Variants in DHX29 observed in about 807,000 individuals in gnomAD.
DHX29 encodes DExH-box helicase 29.
DHX29 carries 79 observed loss-of-function variants against 167.9 expected under a neutral mutation model. The ratio of observed to expected loss-of-function variants is 0.47; its 90% confidence interval spans 0.39 to 0.57. DHX29 has a LOEUF of 0.57. Among genes scored for constraint, DHX29 ranks in the 20% least tolerant of loss-of-function variants. The pLI is 0.00. For synonymous variants in DHX29, 530 were observed against 546.0 expected, an observed-to-expected ratio of 0.97 and a Z score of 0.41; for missense variants, 1,347 against 1,593.4, an observed-to-expected ratio of 0.85 and a Z score of 2.63.
rs1220686012 is a variant in DHX29, at chr5:55,270,464, GAAT to G, written c.3014_3016del (p.Tyr1005del). 6.2e-7 allele frequency: 1 copy of G among 1,613,042 alleles called. No homozygotes were observed. Among genetic ancestry groups the G allele is most frequent in the African/African-American group, 1.3e-5 (1 of 74,876 alleles). On this transcript the variant is annotated inframe_deletion, in exon 20 of 27. Transcript: ENST00000251636. ...AGGTACACGTAAGATTTCAGGAACA[GAAT>G]AATCCATAAAGCCTTCAAATCTGAA... is the stretch of plus-strand genomic sequence containing the variant.
Position 55,256,447 on chromosome 5 carries a change from TTCATC to T in DHX29, c.*36_*40del. 2 of 1,533,972 alleles carry T rather than the reference TTCATC, an allele frequency of 1.3e-6. No homozygotes were observed. The highest frequency in any genetic ancestry group is 1.8e-6 in the Non-Finnish European group (2 of 1,133,810). On this transcript the variant is annotated 3_prime_UTR_variant, in exon 27 of 27. Coordinates refer to ENST00000251636, the MANE Select transcript of DHX29 (RefSeq NM_019030.4). Reference sequence around the variant, plus strand: ...TTTCAGATAATTTCATGACTGTATCTTCATCTTAATTTTTAAAGCAGTTGACCATG... The same window carrying T: ...TTTCAGATAATTTCATGACTGTATCTTTAATTTTTAAAGCAGTTGACCATG...
At chr5:55,289,570 A>AT (rs1747931390) in intron 7 of DHX29, 142 bp from the exon 8 acceptor site, 3 of 610,058 alleles carry the variant, frequency 4.9e-6, no homozygotes, top group Non-Finnish European at 7.4e-6. Context: ...AAAAAACTGC[A>AT]TTCCTTCTTT....
intron 10 of DHX29, 99 bp from the exon 11 acceptor site, chr5:55,283,910 T>C: frequency 1.0e-6 from 1 of 978,120 alleles, no homozygotes. Flanking sequence ...TCTTAAAATA[T>C]AATTTGACTC....
Position 55,272,300 on chromosome 5 carries a change from C to A in DHX29, c.2776-125G>T, listed in dbSNP as rs1188923133. 4 of 651,538 alleles carry A rather than the reference C, an allele frequency of 6.1e-6. No individual in the cohort carries two copies. The African/African-American group carries it at 7.8e-5, about 13-fold the overall frequency. 40.4% of individuals were successfully genotyped at this position (651,538 alleles called of 1,614,324 possible). The stretch of plus-strand genomic sequence containing the variant: ...TTTCAATTTCAGTCACAAAAATTTA[C>A]AATCTATTTGCTATTACTGTGTAAT... On this transcript the variant is annotated intron_variant, in intron 17 of 26. Coordinates refer to ENST00000251636, the MANE Select transcript of DHX29 (RefSeq NM_019030.4).
chr5:55,267,093 A>T, intron 23 of DHX29, 45 bp downstream of exon 23: 1 of 1,290,586 alleles, frequency 7.7e-7, no homozygotes, highest in Non-Finnish European at 1.1e-6. Flanking sequence ...ATAACTTATT[A>T]TAGTTACCCA....
intron 11 of DHX29, among the ~76,000 whole-genome samples, chr5:55,281,785 CTTTTTTTT>C (rs200474683): frequency 7.2e-6 from 1 of 139,170 alleles, no homozygotes; most frequent in Non-Finnish European, 1.6e-5. Flanking sequence ...AACAGAAAAA[CTTTTTTTT>C]TTTTTTTTTG....
rs1231615237 is a variant in DHX29 at position 55,285,838 on chromosome 5, C to T, written c.1090G>A (p.Val364Ile). ...CGAGCAGTATAGTCAAAATTTCTTA[C>T]ATCATGAGGTTCTTTCTTTTTATCT... ...EKDKKKEPHD[V>I]RNFDYTARSW... The change falls in exon 9 of 27, where the codon GTA (valine) becomes ATA (isoleucine). Residue 364 changes from valine to isoleucine, a missense_variant. This residue lies in a region of DHX29 where 60 missense variants were observed against 94.2 expected (regional missense o/e 0.64). Transcript: ENST00000251636. 1 of 1,569,774 alleles carries T rather than the reference C, an allele frequency of 6.4e-7. No individual in the cohort carries two copies. Among genetic ancestry groups the T allele is most frequent in the Non-Finnish European group, 8.7e-7 (1 of 1,154,848 alleles).
At position 55,283,472 on chromosome 5, in the gene DHX29, G is replaced by T; in HGVS notation, c.1696C>A (p.Leu566Ile). 6.2e-7 allele frequency: 1 copy of T among 1,614,130 alleles called. No individual in the cohort carries two copies. The highest frequency in any genetic ancestry group is 8.5e-7 in the Non-Finnish European group (1 of 1,180,026). ...LQSTPKYQKLLKERQQLPVFK... is the reference protein window; with the variant it reads ...LQSTPKYQKLIKERQQLPVFK... ...ACAGGTAGCTGTTGTCTTTCCTTTAGAAGTTTCTGATACTTAGGTGTGCTT... is the reference window on the plus strand; with the variant it reads ...ACAGGTAGCTGTTGTCTTTCCTTTATAAGTTTCTGATACTTAGGTGTGCTT... The change falls in exon 11 of 27, where the codon CTA becomes ATA. Residue 566 changes from leucine (L) to isoleucine (I), a missense_variant. By Grantham distance (5) the Leu-to-Ile change is conservative. Transcript: ENST00000251636.
intron 18 of DHX29, among the ~76,000 whole-genome samples, chr5:55,271,006 A>T (rs1746828325): frequency 6.6e-6 from 1 of 152,234 alleles, no homozygotes; most frequent in Non-Finnish European, 1.5e-5. Flanking sequence ...TGTGACGATA[A>T]TTTTTGAAAT....
rs1746356543 is a variant in DHX29, at chr5:55,262,486, T to C, written c.3828+144A>G. On this transcript the variant is annotated intron_variant, in intron 24 of 26. Coordinates refer to ENST00000251636, the MANE Select transcript of DHX29 (RefSeq NM_019030.4). Reference sequence around the variant, plus strand: ...AAGCATTCTTTTGTTTGAGAAGCTATGTGCATCTTGATTTCAAATATTAAC... The same window carrying C: ...AAGCATTCTTTTGTTTGAGAAGCTACGTGCATCTTGATTTCAAATATTAAC... The C allele has an allele frequency of 2.2e-5, 22 of 1,022,708 alleles. No homozygotes were observed. In the South Asian group the frequency reaches 2.5e-4, roughly 12 times the overall value. The allele number at this position is 1,022,708 out of a possible 1,614,324, so 63.4% of individuals were successfully genotyped here.
At chr5:55,277,058 G>A in intron 13 of DHX29, 48 bp downstream of exon 13, 1 of 1,391,724 alleles carries the variant, frequency 7.2e-7, no homozygotes, top group Admixed American at 2.0e-5. Flanking sequence ...GAAAGAACCT[G>A]GTGGGAATGC....
intron 18 of DHX29, among the ~76,000 whole-genome samples, chr5:55,271,378 C>T (rs1241700099): frequency 6.6e-6 from 1 of 152,230 alleles, no homozygotes; most frequent in Non-Finnish European, 1.5e-5. Context: ...CGCCTGTAAT[C>T]CCAGCACTTT....
chr5:55,301,235 G>C (rs1364564963), intron 1 of DHX29, among the ~76,000 whole-genome samples: 2 of 152,088 alleles, frequency 1.3e-5, no homozygotes, highest in African/African-American at 4.8e-5. Flanking sequence ...TCAATCTGCC[G>C]TAACATTACA....
chr5:55,276,703 T>C (rs1406371459), intron 13 of DHX29, among the ~76,000 whole-genome samples: 3 of 152,038 alleles, frequency 2.0e-5, no homozygotes, highest in Admixed American at 6.5e-5. Flanking sequence ...GAATGGAATA[T>C]GTAGAAAGGA....
rs192022239 is a variant in DHX29, at chr5:55,269,315, T to A, written c.3294+98A>T. 293 of 1,149,374 alleles carry A rather than the reference T, an allele frequency of 2.5e-4. 1 individual carries two copies. The African/African-American group carries it at 4.1e-3, about 16-fold the overall frequency. The allele number at this position is 1,149,374 out of a possible 1,614,324, so 71.2% of individuals were successfully genotyped here. ...TTAATGTTCGTATAGACATTCTATT[T>A]AGTTAAAAAAATTTTTACTTAACAA... On this transcript the variant is annotated intron_variant, in intron 21 of 26. Transcript: ENST00000251636.
intron 24 of DHX29, 60 bp downstream of exon 24, chr5:55,262,570 G>A: frequency 6.4e-7 from 1 of 1,567,852 alleles, no homozygotes; most frequent in Non-Finnish European, 8.7e-7. Context: ...ATCCTAACTT[G>A]TTATGAATGA....
intron 23 of DHX29, among the ~76,000 whole-genome samples, chr5:55,266,289 C>G (rs1746564150): frequency 6.6e-6 from 1 of 151,586 alleles, no homozygotes; most frequent in South Asian, 2.1e-4. Context: ...AGCCACTGCG[C>G]CCAGTCCTTG....
At chr5:55,272,449 A>G (rs868019680) in intron 17 of DHX29, among the ~76,000 whole-genome samples, 1 of 152,128 alleles carries the variant, frequency 6.6e-6, no homozygotes, top group African/African-American at 2.4e-5. Flanking sequence ...TGATATAAGT[A>G]GGGCTGGGTG....
intron 13 of DHX29, among the ~76,000 whole-genome samples, 159 bp from the exon 14 acceptor site, chr5:55,276,565 T>C (rs1382579138): frequency 6.6e-6 from 1 of 152,212 alleles, no homozygotes; most frequent in African/African-American, 2.4e-5. Context: ...GAAGACTTGG[T>C]TGACATAGAG....
Sources: gnomAD v4.1 joint callset for allele counts (sites outside exome capture counted in the v4.1 genomes callset) on GRCh38, gnomAD v4.1.1 for gene constraint, gnomAD v4.1.1 regional missense constraint, MANE v1.5 for transcripts, NCBI Gene and HGNC (gene_info 2026-07-23, HGNC 2026-07-21) for gene names.